Variants in FAM83B observed in about 807,000 individuals in gnomAD.
FAM83B encodes protein FAM83B.
In FAM83B, 26 loss-of-function variants were observed where a neutral mutation model predicts 38.8. That is an observed-to-expected ratio of 0.67 (90% CI 0.49 to 0.93). The LOEUF (loss-of-function observed/expected upper bound fraction) is 0.93, where lower values mean the gene tolerates loss of function less well. FAM83B is among the 40% of genes least tolerant of loss of function. The probability of loss-of-function intolerance (pLI) is 0.00; values close to 1 mark genes in which losing one functional copy is unlikely to be tolerated. For synonymous variants in FAM83B, 419 were observed against 423.1 expected, an observed-to-expected ratio of 0.99 and a Z score of 0.12; for missense variants, 1,237 against 1,197.3, an observed-to-expected ratio of 1.03 and a Z score of -0.49.
At chr6:54,913,672 A>G (rs1052822726) in intron 2 of FAM83B, among the ~76,000 whole-genome samples, 4 of 152,072 alleles carry the variant, frequency 2.6e-5, no homozygotes, top group African/African-American at 9.7e-5. Flanking sequence ...AACCATGAGA[A>G]GAGGAATAAG....
intron 1 of FAM83B, among the ~76,000 whole-genome samples, chr6:54,849,470 G>A (rs974943104): frequency 6.6e-6 from 1 of 151,646 alleles, no homozygotes; most frequent in African/African-American, 2.4e-5. Context: ...ATGCTGGGGA[G>A]GAGGGTGCAC....
chr6:54,879,113 C>T (rs1307530926), intron 2 of FAM83B, among the ~76,000 whole-genome samples: 1 of 152,162 alleles, frequency 6.6e-6, no homozygotes, highest in African/African-American at 2.4e-5. Flanking sequence ...TTTTAAGTTA[C>T]GACTTCACCA....
chr6:54,896,332 C>T (rs924055233), intron 2 of FAM83B, among the ~76,000 whole-genome samples: 4 of 152,200 alleles, frequency 2.6e-5, no homozygotes, highest in Admixed American at 2.6e-4. Context: ...TCGAATGATG[C>T]AAAAAACAAG....
intron 2 of FAM83B, among the ~76,000 whole-genome samples, chr6:54,882,374 C>A (rs1772152705): frequency 6.6e-6 from 1 of 152,186 alleles, no homozygotes; most frequent in African/African-American, 2.4e-5. Context: ...TTTATCTTCA[C>A]AACAGTTCTC....
intron 2 of FAM83B, among the ~76,000 whole-genome samples, chr6:54,873,448 A>T (rs9370333): frequency 2.0e-5 from 3 of 151,932 alleles, no homozygotes; most frequent in Non-Finnish European, 4.4e-5. Context: ...ACCAGAACAC[A>T]TTGCTTTTTA....
intron 4 of FAM83B, among the ~76,000 whole-genome samples, chr6:54,930,024 T>C (rs1448745605): frequency 7.9e-5 from 12 of 152,110 alleles, no homozygotes; most frequent in Admixed American, 7.9e-4. Flanking sequence ...TATGTTATTC[T>C]TTTTTGATTT....
At chr6:54,893,141 T>A (rs1480431872) in intron 2 of FAM83B, among the ~76,000 whole-genome samples, 3 of 152,150 alleles carry the variant, frequency 2.0e-5, no homozygotes, top group Non-Finnish European at 2.9e-5. Context: ...CACTGCCCAG[T>A]CAAGTTCCTC....
intron 4 of FAM83B, among the ~76,000 whole-genome samples, chr6:54,933,766 A>G (rs1773472373): frequency 6.6e-6 from 1 of 152,016 alleles, no homozygotes; most frequent in Non-Finnish European, 1.5e-5. Context: ...TCTATTTTCA[A>G]TGATTTCTAA....
intron 1 of FAM83B, among the ~76,000 whole-genome samples, chr6:54,858,183 G>C (rs1409796259): frequency 4.6e-5 from 7 of 152,164 alleles, no homozygotes; most frequent in Non-Finnish European, 1.0e-4. Flanking sequence ...AAAATCAATA[G>C]CTTTGATGAC....
Position 54,942,525 on chromosome 6 carries a change from G to C in FAM83B, c.*518G>C, listed in dbSNP as rs1026960034. ...TTTTTCTGTGGATCATTGTACAGCT[G>C]TTTGGGCAACAGCAGTACCTTTTAC... On this transcript the variant is annotated 3_prime_UTR_variant, in exon 5 of 5. Coordinates refer to ENST00000306858, the MANE Select transcript of FAM83B (RefSeq NM_001010872.3). Among the ~76,000 whole-genome samples, 14 of 151,918 alleles carry C rather than the reference G, an allele frequency of 9.2e-5. No homozygotes were observed. Among genetic ancestry groups the C allele is most frequent in the Non-Finnish European group, 2.1e-4 (14 of 67,990 alleles).
chr6:54,867,340 G>A (rs1023099552), intron 1 of FAM83B, among the ~76,000 whole-genome samples: 6 of 151,944 alleles, frequency 3.9e-5, no homozygotes, highest in African/African-American at 1.4e-4. Context: ...CCATTACCCT[G>A]TAGTTCTCTG....
intron 1 of FAM83B, among the ~76,000 whole-genome samples, chr6:54,854,404 C>T (rs1291455292): frequency 6.6e-6 from 1 of 152,094 alleles, no homozygotes; most frequent in African/African-American, 2.4e-5. Flanking sequence ...TGGCAAAATT[C>T]GTTATTGTCT....
chr6:54,885,215 G>A (rs1194491258), intron 2 of FAM83B, among the ~76,000 whole-genome samples: 1 of 152,086 alleles, frequency 6.6e-6, no homozygotes, highest in African/African-American at 2.4e-5. Context: ...TTATAGAACA[G>A]TGTGAGTAGA....
At chr6:54,918,860 C>T (rs540206398) in intron 2 of FAM83B, among the ~76,000 whole-genome samples, 48 of 152,216 alleles carry the variant, frequency 3.2e-4, no homozygotes, top group African/African-American at 1.1e-3. Context: ...CCAGCATCCC[C>T]TCAAATGGTG....
intron 2 of FAM83B, among the ~76,000 whole-genome samples, chr6:54,875,134 T>C (rs892543870): frequency 1.3e-5 from 2 of 152,194 alleles, no homozygotes; most frequent in Non-Finnish European, 2.9e-5. Context: ...GGAAAAGATA[T>C]GAAGCAAAAA....
chr6:54,902,662 C>T (rs1772686998), intron 2 of FAM83B, among the ~76,000 whole-genome samples: 2 of 148,120 alleles, frequency 1.4e-5, no homozygotes. Flanking sequence ...CATAGAATTC[C>T]AGGCAATAGC....
intron 2 of FAM83B, among the ~76,000 whole-genome samples, chr6:54,886,762 C>G (rs984952739): frequency 6.6e-6 from 1 of 150,902 alleles, no homozygotes; most frequent in Non-Finnish European, 1.5e-5. Flanking sequence ...TTCTATTTTA[C>G]GTTGTATTAT....
At chr6:54,856,390 A>G (rs1771448189) in intron 1 of FAM83B, among the ~76,000 whole-genome samples, 1 of 152,178 alleles carries the variant, frequency 6.6e-6, no homozygotes, top group Non-Finnish European at 1.5e-5. Context: ...AACTGTGACT[A>G]GCAGAGTTCT....
intron 2 of FAM83B, among the ~76,000 whole-genome samples, chr6:54,895,502 G>A (rs985094938): frequency 6.6e-6 from 1 of 152,080 alleles, no homozygotes. Flanking sequence ...TATCTTTTAA[G>A]CAATATTACT....
Sources: allele counts gnomAD v4.1 joint callset (sites outside exome capture counted in the v4.1 genomes callset), GRCh38; gene constraint gnomAD v4.1.1; transcripts MANE v1.5; gene names NCBI Gene and HGNC (gene_info 2026-07-23, HGNC 2026-07-21).